UBR7: variants seen among roughly 807,000 people sequenced by gnomAD.
UBR7 encodes the protein ubiquitin protein ligase E3 component n-recognin 7, also known as putative E3 ubiquitin-protein ligase UBR7.
A neutral mutation model predicts 57.0 loss-of-function variants in UBR7; 22 were observed. That is an observed-to-expected ratio of 0.39 (90% confidence interval 0.28 to 0.55). The LOEUF is 0.55. Ranked by LOEUF, UBR7 falls within the 20% of genes least tolerant of loss-of-function variation. The probability of loss-of-function intolerance (pLI) is 0.69; values close to 1 mark genes in which losing one functional copy is unlikely to be tolerated. For synonymous variants in UBR7, 167 were observed against 179.8 expected (o/e 0.93, Z 0.57); for missense variants, 395 against 513.2 (o/e 0.77, Z 2.23).
intron 8 of UBR7, 91 bp from the exon 9 acceptor site, chr14:93,220,158 A>C: frequency 7.5e-7 from 1 of 1,339,510 alleles, no homozygotes; most frequent in Non-Finnish European, 1.0e-6. Context: ...TTACATTTTT[A>C]GTGATTCTCA....
At chr14:93,208,988 G>T (rs1208772214) in intron 1 of UBR7, among the ~76,000 whole-genome samples, 1 of 152,042 alleles carries the variant, frequency 6.6e-6, no homozygotes, top group Non-Finnish European at 1.5e-5. Context: ...AGTGGATGGG[G>T]TGTTCTAGAG....
intron 10 of UBR7, among the ~76,000 whole-genome samples, chr14:93,225,183 A>G (rs868495176): frequency 1.6e-4 from 25 of 152,180 alleles, no homozygotes; most frequent in Admixed American, 1.6e-3. Flanking sequence ...TCACAGAAAA[A>G]GAAACAAAAC....
chr14:93,218,225 C>A (rs1426943222), intron 6 of UBR7, among the ~76,000 whole-genome samples: 1 of 151,938 alleles, frequency 6.6e-6, no homozygotes, highest in African/African-American at 2.4e-5. Flanking sequence ...GCCTGGCCAA[C>A]ATGGCGAAAC....
intron 10 of UBR7, chr14:93,223,855 G>C: frequency 4.0e-6 from 3 of 749,764 alleles, no homozygotes; most frequent in South Asian, 1.4e-5. Context: ...GGTATTCCCG[G>C]TACATGTTGG....
chr14:93,221,906 G>A (rs1292677848), intron 9 of UBR7, among the ~76,000 whole-genome samples: 5 of 151,964 alleles, frequency 3.3e-5, no homozygotes, highest in Admixed American at 2.0e-4. Context: ...AGCCGAGATC[G>A]TGCCACTGCA....
rs1482570296 is a variant in UBR7 at position 93,227,357 on chromosome 14, G to GT, written c.*324dup. 1.9e-5 allele frequency: 12 copies of GT among 623,334 alleles called. No individual in the cohort carries two copies. The highest frequency in any genetic ancestry group is 3.6e-5 in the Non-Finnish European group (12 of 336,920). The allele number at this position is 623,334 out of a possible 1,614,324, so 38.6% of individuals were successfully genotyped here. On this transcript the variant is annotated 3_prime_UTR_variant, in exon 11 of 11. Coordinates refer to ENST00000013070, the MANE Select transcript of UBR7 (RefSeq NM_175748.4). ...AAATTGGTGTCTTGTTTAATGATCT[G>GT]TTATTTCACTCCCAGATGTGTGTGT...
At chr14:93,218,902 A>G (rs1894648777) in intron 7 of UBR7, among the ~76,000 whole-genome samples, 167 bp downstream of exon 7, 1 of 152,086 alleles carries the variant, frequency 6.6e-6, no homozygotes, top group South Asian at 2.1e-4. Context: ...TAAAATTACA[A>G]AAACTAGCCA....
intron 10 of UBR7, 113 bp downstream of exon 10, chr14:93,222,487 G>GT: frequency 1.3e-6 from 1 of 796,824 alleles, no homozygotes. Context: ...GCTCACACCT[G>GT]TAATCCCAGT....
rs528660908 is a variant in UBR7, at chr14:93,218,760, A to C, written c.810+25A>C. On this transcript the variant is annotated intron_variant, in intron 7 of 10. Transcript: ENST00000013070. Reference sequence around the variant, plus strand: ...GGTAATGTGTGAAGTACGAGCCATCAAGAAATAAGACTGGGCCAGGCGCGG... The same window carrying C: ...GGTAATGTGTGAAGTACGAGCCATCCAGAAATAAGACTGGGCCAGGCGCGG... The C allele has an allele frequency of 1.9e-6, 3 of 1,607,744 alleles. No homozygotes were observed. The South Asian group carries it at 3.3e-5, about 18-fold the overall frequency.
chr14:93,217,313 T>C (rs1263398), intron 6 of UBR7, among the ~76,000 whole-genome samples: 55,351 of 151,974 alleles, frequency 0.36, 10,655 homozygotes, highest in South Asian at 0.46. Context: ...AGGTGTGAGC[T>C]ACCATACCCA....
At chr14:93,215,101 C>T (rs1474085818) in intron 5 of UBR7, 75 bp from the exon 6 acceptor site, 2 of 1,428,192 alleles carry the variant, frequency 1.4e-6, no homozygotes, top group Non-Finnish European at 1.9e-6. Context: ...TGTATTATTA[C>T]AGTATTTATA....
Position 93,227,264 on chromosome 14 carries a change from G to A in UBR7, c.*229G>A, listed in dbSNP as rs1258204168. The A allele has an allele frequency of 1.6e-6, 1 of 616,820 alleles. No homozygotes were observed. The highest frequency in any genetic ancestry group is 1.5e-5 in the South Asian group (1 of 65,950). 38.2% of individuals were successfully genotyped at this position (616,820 alleles called of 1,614,324 possible). On this transcript the variant is annotated 3_prime_UTR_variant, in exon 11 of 11. Coordinates refer to ENST00000013070, the MANE Select transcript of UBR7 (RefSeq NM_175748.4). ...AGCTCATTCCACAGACTTCTCCAGT[G>A]TACTCCTACTCCAGTGCACCCAGGG...
At chr14:93,225,557 C>G (rs996366709) in intron 10 of UBR7, among the ~76,000 whole-genome samples, 4 of 151,990 alleles carry the variant, frequency 2.6e-5, no homozygotes, top group Non-Finnish European at 5.9e-5. Flanking sequence ...CGCTTGAGCC[C>G]AGGAATTTGA....
At chr14:93,225,978 G>A (rs1409320681) in intron 10 of UBR7, among the ~76,000 whole-genome samples, 1 of 152,180 alleles carries the variant, frequency 6.6e-6, no homozygotes, top group African/African-American at 2.4e-5. Flanking sequence ...ATTTAGCCAA[G>A]TACATTAGAA....
At position 93,214,430 on chromosome 14, in the gene UBR7, G is replaced by C. The variant is rs182857007; in HGVS notation, c.442-499G>C. The stretch of plus-strand genomic sequence containing the variant: ...GTCCTTTGGTATATTATTTTCCTAG[G>C]GCCAGCATTTAATTATTTAATTTAT... On this transcript the variant is annotated intron_variant, in intron 4 of 10. Coordinates refer to ENST00000013070, the MANE Select transcript of UBR7 (RefSeq NM_175748.4). 8.5e-4 allele frequency among the ~76,000 whole-genome samples: 130 copies of C among 152,202 alleles called. 2 individuals carry two copies. The highest frequency in any genetic ancestry group is 3.0e-3 in the African/African-American group (125 of 41,524).
rs969904815 is a variant in UBR7 at position 93,211,887 on chromosome 14, GT to G, written c.346-135del. ...AAAAGTATCCCTTTAGTGGTAGTGA[GT>G]TTTTTTTTTCCTACTTTGAAAATTA... On this transcript the variant is annotated intron_variant, in intron 3 of 10. Coordinates refer to ENST00000013070, the MANE Select transcript of UBR7 (RefSeq NM_175748.4). The G allele has an allele frequency of 9.6e-4, 585 of 609,388 alleles. 2 individuals carry two copies. Among genetic ancestry groups the G allele is most frequent in the East Asian group, 6.9e-3 (215 of 31,030 alleles). The allele number at this position is 609,388 out of a possible 1,614,324, so 37.7% of individuals were successfully genotyped here.
Position 93,215,252 on chromosome 14 carries a change from T to C in UBR7, c.572T>C (p.Phe191Ser). ...VCQACMKRCS[F>S]LWAYAAQLAV... ...CAGGCCTGCATGAAACGTTGTTCTT[T>C]TTTGTGGGCTTATGCTGCACAATTG... Residue 191 changes from phenylalanine (F) to serine (S), a missense_variant, in exon 6 of 11, where the codon TTT (phenylalanine) becomes TCT (serine). Phe to Ser is a radical substitution (Grantham distance 155, BLOSUM62 -2). Transcript: ENST00000013070. 1 of 1,585,044 alleles carries C rather than the reference T, an allele frequency of 6.3e-7. No individual in the cohort carries two copies. The highest frequency in any genetic ancestry group is 8.6e-7 in the Non-Finnish European group (1 of 1,164,582).
Position 93,227,165 on chromosome 14 carries a change from A to G in UBR7, c.*130A>G, listed in dbSNP as rs755072589. On this transcript the variant is annotated 3_prime_UTR_variant, in exon 11 of 11. Coordinates refer to ENST00000013070, the MANE Select transcript of UBR7 (RefSeq NM_175748.4). ...TTTGGAGAGGCCTCGCGCTCCCTTC[A>G]TTCTCTTTAGCTGCAGTAGCCACCG... 5 of 698,780 alleles carry G rather than the reference A, an allele frequency of 7.2e-6. No homozygotes were observed. In the East Asian group the frequency reaches 1.2e-4, roughly 17 times the overall value. 43.3% of individuals were successfully genotyped at this position (698,780 alleles called of 1,614,324 possible). A position where few individuals can be genotyped will look rare whatever the true frequency, so the allele number is the denominator to read the frequency against.
chr14:93,213,196 G>T (rs1894520816), intron 4 of UBR7, among the ~76,000 whole-genome samples: 1 of 151,974 alleles, frequency 6.6e-6, no homozygotes, highest in South Asian at 2.1e-4. Context: ...TGCCAAAAAA[G>T]TTGTACCAGC....
Sources: gnomAD v4.1 joint callset for allele counts (sites outside exome capture counted in the v4.1 genomes callset) on GRCh38, gnomAD v4.1.1 for gene constraint, MANE v1.5 for transcripts, NCBI Gene and HGNC (gene_info 2026-07-23, HGNC 2026-07-21) for gene names.